ZNF804B: variants seen among roughly 807,000 people sequenced by gnomAD.
The protein encoded by ZNF804B is zinc finger 804B.
In ZNF804B, 80 loss-of-function variants were observed where a neutral mutation model predicts 101.4. That is an observed-to-expected ratio of 0.79 (90% CI 0.66 to 0.95). The LOEUF is 0.95. Ranked by LOEUF, ZNF804B falls within the 40% of genes least tolerant of loss-of-function variation. ZNF804B has a pLI of 0.00. For missense variants in ZNF804B, 1,673 were observed against 1,561.9 expected (o/e 1.07, Z -1.20); for synonymous variants, 622 against 558.8 (o/e 1.11, Z -1.59).
intron 1 of ZNF804B, among the ~76,000 whole-genome samples, chr7:89,142,945 G>A (rs926564154): frequency 2.0e-5 from 3 of 151,952 alleles, no homozygotes; most frequent in African/African-American, 7.2e-5. Context: ...TTGAAGCACT[G>A]TAATATACTC....
chr7:88,854,414 C>CCTTTCTTTCTTCCTTCCTTTCTTTCTTT (rs1491507073), intron 1 of ZNF804B, among the ~76,000 whole-genome samples: 2 of 57,114 alleles, frequency 3.5e-5, no homozygotes, highest in Non-Finnish European at 7.1e-5. Flanking sequence ...TTTCTTTCTT[C>CCTTTCTTTCTTCCTTCCTTTCTTTCTTT]CTTTCTTTCT....
intron 1 of ZNF804B, among the ~76,000 whole-genome samples, chr7:89,070,441 A>T (rs551794375): frequency 6.6e-6 from 1 of 152,116 alleles, no homozygotes; most frequent in Admixed American, 6.5e-5. Flanking sequence ...TCCCAGAATG[A>T]TGTAATAACA....
At chr7:88,993,393 A>G (rs560050585) in intron 1 of ZNF804B, among the ~76,000 whole-genome samples, 1 of 152,188 alleles carries the variant, frequency 6.6e-6, no homozygotes, top group East Asian at 1.9e-4. Flanking sequence ...CAAAGTGAGG[A>G]TAAGACTACA....
At chr7:89,096,888 G>A (rs191807343) in intron 1 of ZNF804B, among the ~76,000 whole-genome samples, 16 of 152,196 alleles carry the variant, frequency 1.1e-4, no homozygotes, top group Non-Finnish European at 2.1e-4. Flanking sequence ...CTGGCACTTC[G>A]GTGAGCTGTA....
In ZNF804B at chr7:89,036,108, A is replaced by T. The variant is rs567801477; in HGVS notation, c.109-182047A>T. Among the ~76,000 whole-genome samples, 10 of 149,884 alleles carry T rather than the reference A, an allele frequency of 6.7e-5. No homozygotes were observed. In the Admixed American group the frequency reaches 6.7e-4, roughly 10 times the overall value. ...CCTGCAGTGCTCACTGCAATTGAAC[A>T]TTCAGTATTAACTCTTAATTCCCTT... On this transcript the variant is annotated intron_variant, in intron 1 of 3. Transcript: ENST00000333190.
chr7:89,282,897 T>G (rs1233270120), intron 2 of ZNF804B, among the ~76,000 whole-genome samples: 1 of 152,166 alleles, frequency 6.6e-6, no homozygotes, highest in African/African-American at 2.4e-5. Flanking sequence ...ATATCTTGAT[T>G]TGAGCCCAGT....
chr7:89,047,353 GT>G (rs1395950937), intron 1 of ZNF804B, among the ~76,000 whole-genome samples: 3 of 152,130 alleles, frequency 2.0e-5, no homozygotes, highest in African/African-American at 7.2e-5. Context: ...CAATTGCCTA[GT>G]TGATTTTCCA....
At chr7:89,186,002 G>C (rs1304035461) in intron 1 of ZNF804B, among the ~76,000 whole-genome samples, 3 of 152,008 alleles carry the variant, frequency 2.0e-5, no homozygotes, top group Non-Finnish European at 4.4e-5. Flanking sequence ...ATCTATTATG[G>C]CTGCACACAG....
chr7:89,213,147 A>C (rs1788830319), intron 1 of ZNF804B, among the ~76,000 whole-genome samples: 1 of 152,178 alleles, frequency 6.6e-6, no homozygotes, highest in African/African-American at 2.4e-5. Context: ...AGAATAAATA[A>C]GTAAATGAAA....
chr7:89,303,680 G>A (rs1790517887), intron 2 of ZNF804B, among the ~76,000 whole-genome samples: 1 of 151,846 alleles, frequency 6.6e-6, no homozygotes, highest in Non-Finnish European at 1.5e-5. Flanking sequence ...TCTGACATGT[G>A]AAAATCTTAC....
chr7:89,152,086 G>C (rs1249479410), intron 1 of ZNF804B, among the ~76,000 whole-genome samples: 2 of 152,110 alleles, frequency 1.3e-5, no homozygotes, highest in Non-Finnish European at 2.9e-5. Context: ...TGGTGTTCCT[G>C]TGATTAACCC....
In ZNF804B at chr7:89,336,401, C is replaced by CT; in HGVS notation, c.3420dup (p.Pro1141SerfsTer13). 6.2e-7 allele frequency: 1 copy of CT among 1,614,058 alleles called. No individual in the cohort carries two copies. ...TTAGAAATGTGTCATAAATCTATCT[C>CT]TCCCCCTTTAATTCAACAGCCCATA... On this transcript the variant is annotated frameshift_variant, in exon 4 of 4. Transcript: ENST00000333190. LOFTEE classifies it high-confidence loss of function.
In ZNF804B at chr7:89,267,417, A is replaced by T. The variant is rs191256973; in HGVS notation, c.249+49122A>T. ...AATTTATTGGTTCACAAATTTGAAAAGACCAAAGCAATAATTAGTTTTAAA... is the reference window on the plus strand; with the variant it reads ...AATTTATTGGTTCACAAATTTGAAATGACCAAAGCAATAATTAGTTTTAAA... On this transcript the variant is annotated intron_variant, in intron 2 of 3. Coordinates refer to ENST00000333190, the MANE Select transcript of ZNF804B (RefSeq NM_181646.5). Among the ~76,000 whole-genome samples, 113 of 152,332 alleles carry T rather than the reference A, an allele frequency of 7.4e-4. 4 individuals are homozygous for T. In the East Asian group the frequency reaches 0.019, roughly 25 times the overall value.
chr7:89,302,725 G>C (rs1264622663), intron 2 of ZNF804B, among the ~76,000 whole-genome samples: 1 of 151,822 alleles, frequency 6.6e-6, no homozygotes, highest in Non-Finnish European at 1.5e-5. Context: ...TTCAGTTTTA[G>C]TAGATTTTGT....
chr7:89,225,974 C>G (rs1789082692), intron 2 of ZNF804B, among the ~76,000 whole-genome samples: 1 of 152,034 alleles, frequency 6.6e-6, no homozygotes. Context: ...GTCTTTATAA[C>G]AATGACAATG....
chr7:88,907,997 A>C (rs1282261606), intron 1 of ZNF804B, among the ~76,000 whole-genome samples: 1 of 151,934 alleles, frequency 6.6e-6, no homozygotes, highest in Non-Finnish European at 1.5e-5. Flanking sequence ...GGGAACAAGC[A>C]TTCTTGCTGA....
intron 2 of ZNF804B, among the ~76,000 whole-genome samples, chr7:89,274,916 G>A (rs2115849365): frequency 6.6e-6 from 1 of 151,950 alleles, no homozygotes; most frequent in Non-Finnish European, 1.5e-5. Flanking sequence ...AAGCCATGGT[G>A]TCCTCTCACT....
intron 1 of ZNF804B, among the ~76,000 whole-genome samples, chr7:88,785,322 A>G (rs1430183936): frequency 6.6e-6 from 1 of 151,958 alleles, no homozygotes; most frequent in African/African-American, 2.4e-5. Flanking sequence ...AAGGTATTGG[A>G]CACGTCTCTT....
At chr7:88,771,740 T>A (rs573724600) in intron 1 of ZNF804B, among the ~76,000 whole-genome samples, 35 of 152,300 alleles carry the variant, frequency 2.3e-4, no homozygotes, top group South Asian at 2.3e-3. Context: ...GATTTCATTA[T>A]CTTTTCCTTA....
Sources: gnomAD v4.1 joint callset for allele counts (sites outside exome capture counted in the v4.1 genomes callset) on GRCh38, gnomAD v4.1.1 for gene constraint, MANE v1.5 for transcripts, NCBI Gene and HGNC (gene_info 2026-07-23, HGNC 2026-07-21) for gene names.